The following PDXDC1 variants were observed in gnomAD, a reference collection of about 807,000 sequenced individuals.
PDXDC1 encodes the protein pyridoxal-dependent decarboxylase domain-containing protein 1.
A neutral mutation model predicts 100.1 loss-of-function variants in PDXDC1; 42 were observed. That is an observed-to-expected ratio of 0.42 (90% CI 0.33 to 0.54). The LOEUF is 0.54. Among genes scored for constraint, PDXDC1 ranks in the 20% least tolerant of loss-of-function variants. The probability of loss-of-function intolerance (pLI) is 0.10; values close to 1 mark genes in which losing one functional copy is unlikely to be tolerated. For missense variants in PDXDC1, 636 were observed against 979.2 expected, an observed-to-expected ratio of 0.65 and a Z score of 4.68; for synonymous variants, 260 against 371.7, an observed-to-expected ratio of 0.70 and a Z score of 3.46.
chr16:15,016,429 C>T lies in PDXDC1; in HGVS notation c.812+216C>T, dbSNP rs996281927. On this transcript the variant is annotated intron_variant, in intron 9 of 22. Transcript: ENST00000396410. ...ATGACTGCCTCAGGCACGACATCAA[C>T]CAGGATCCAGTGTGTTACTCCCACC... is the stretch of plus-strand genomic sequence containing the variant. 15 of 1,257,068 alleles carry T rather than the reference C, an allele frequency of 1.2e-5. No individual in the cohort carries two copies. In the Admixed American group the frequency reaches 1.9e-4, roughly 16 times the overall value. The allele number at this position is 1,257,068 out of a possible 1,614,324, so 77.9% of individuals were successfully genotyped here.
chr16:15,117,348 T>A (rs1246215676), intron 16 of PDXDC1, among the ~76,000 whole-genome samples: 14 of 128,984 alleles, frequency 1.1e-4, no homozygotes, highest in Admixed American at 4.3e-4. Context: ...TTTCCAAAGT[T>A]AGTAAACTTA....
At chr16:15,114,924 A>G (rs2047189302) in intron 16 of PDXDC1, among the ~76,000 whole-genome samples, 1 of 106,288 alleles carries the variant, frequency 9.4e-6, no homozygotes, top group Non-Finnish European at 2.2e-5. Flanking sequence ...AAAAAAAAAA[A>G]AAATTTTTTT....
intron 16 of PDXDC1, among the ~76,000 whole-genome samples, chr16:15,076,206 G>A (rs920080199): frequency 6.6e-6 from 1 of 152,088 alleles, no homozygotes; most frequent in Non-Finnish European, 1.5e-5. Flanking sequence ...CCACCCAAAA[G>A]AAGTAATGCT....
At chr16:14,996,137 C>T (rs887441781) in intron 1 of PDXDC1, among the ~76,000 whole-genome samples, 38 of 152,286 alleles carry the variant, frequency 2.5e-4, no homozygotes, top group African/African-American at 8.9e-4. Context: ...TCCCAGGGAC[C>T]TTAAAGCTCA....
In PDXDC1 at chr16:15,036,230, A is replaced by C; in HGVS notation, c.2322A>C (p.Pro774=). The stretch of plus-strand genomic sequence containing the variant: ...CCTTCCAGAAAGGGGTCCCACACCC[A>C]GAAGATGACCACTCACAGGTAGAAG... The part of the protein sequence containing the change: ...TEAFQKGVPH[P]EDDHSQVEGP... The change falls in exon 23 of 23, where the codon CCA becomes CCC. Residue 774 remains proline, a synonymous_variant. Transcript: ENST00000396410. 6.2e-7 allele frequency: 1 copy of C among 1,614,120 alleles called. No homozygotes were observed. The highest frequency in any genetic ancestry group is 1.1e-5 in the South Asian group (1 of 91,080).
intron 16 of PDXDC1, chr16:15,130,391 C>T: frequency 5.1e-6 from 8 of 1,577,586 alleles, no homozygotes; most frequent in Middle Eastern, 2.3e-4. Context: ...CGGACACCTC[C>T]AGCGCCGACA....
At chr16:15,007,551 G>A (rs552648426) in intron 6 of PDXDC1, among the ~76,000 whole-genome samples, 656 of 152,150 alleles carry the variant, frequency 4.3e-3, no homozygotes, top group African/African-American at 0.015. Flanking sequence ...ATTGTTAACC[G>A]TCTTTGCCAA....
In PDXDC1 at chr16:15,133,088, G is replaced by A. The variant is rs929033957; in HGVS notation, c.1400-5791G>A. ...TGCATTGTGGAAAGCAGACGCCGGA[G>A]AGGGCCCGGTGGGTGTGGCTGCTGG... On this transcript the variant is annotated intron_variant, in intron 16 of 16. Transcript: ENST00000535621. 4.2e-5 allele frequency: 26 copies of A among 622,014 alleles called. No homozygotes were observed. In the African/African-American group the frequency reaches 4.6e-4, roughly 11 times the overall value. The allele number at this position is 622,014 out of a possible 1,614,324, so 38.5% of individuals were successfully genotyped here.
At chr16:15,008,609 G>A (rs1464407011) in intron 6 of PDXDC1, among the ~76,000 whole-genome samples, 170 bp from the exon 7 acceptor site, 5 of 144,038 alleles carry the variant, frequency 3.5e-5, no homozygotes, top group Admixed American at 6.9e-5. Flanking sequence ...TTTTTTTTTC[G>A]GCTTGGCTTT....
intron 16 of PDXDC1, among the ~76,000 whole-genome samples, chr16:15,096,154 G>T (rs2046350308): frequency 6.6e-6 from 1 of 151,902 alleles, no homozygotes; most frequent in South Asian, 2.1e-4. Flanking sequence ...TGTCACCCAG[G>T]CTGGAGTACA....
intron 16 of PDXDC1, among the ~76,000 whole-genome samples, chr16:15,079,817 G>T (rs530718059): frequency 6.6e-6 from 1 of 152,048 alleles, no homozygotes; most frequent in Non-Finnish European, 1.5e-5. Context: ...GGCTGGTCTC[G>T]AACTCCTGAC....
At position 15,004,178 on chromosome 16, in the gene PDXDC1, G is replaced by A; in HGVS notation, c.243-9G>A. On this transcript the variant is annotated splice_polypyrimidine_tract_variant and intron_variant, in intron 4 of 22. Coordinates refer to ENST00000396410, the MANE Select transcript of PDXDC1 (RefSeq NM_015027.4). Reference sequence around the variant, plus strand: ...GGTTTGACTCTAATACTTTAATTTTGCTTAACAGAATCCAAAATATTGGAG... The same window carrying A: ...GGTTTGACTCTAATACTTTAATTTTACTTAACAGAATCCAAAATATTGGAG... The A allele has an allele frequency of 6.2e-7, 1 of 1,611,722 alleles. No individual in the cohort carries two copies. Among genetic ancestry groups the A allele is most frequent in the African/African-American group, 1.3e-5 (1 of 74,976 alleles).
intron 16 of PDXDC1, among the ~76,000 whole-genome samples, chr16:15,072,767 CAAAAAAGAAAGGAAAAGAAAACA>C (rs1567197950): frequency 1.3e-5 from 2 of 151,516 alleles, no homozygotes; most frequent in Non-Finnish European, 2.9e-5. Flanking sequence ...GACTGTGTCT[CAAAAAAGAAAGGAAAAGAAAACA>C]AAAAAAGAAA....
chr16:15,008,118 A>G (rs1165464871), intron 6 of PDXDC1, among the ~76,000 whole-genome samples: 1 of 152,276 alleles, frequency 6.6e-6, no homozygotes, highest in Non-Finnish European at 1.5e-5. Context: ...ATAATTTTTA[A>G]TCCTTTAAGG....
At position 15,037,372 on chromosome 16, in the gene PDXDC1, G is replaced by A. The variant is rs1339246466; in HGVS notation, c.*1097G>A. ...ACCTGAAAATGGGAAAATTCACACT[G>A]GGTTTCTGGACTGTAGTATTGGAAG... is the stretch of plus-strand genomic sequence containing the variant. On this transcript the variant is annotated 3_prime_UTR_variant, in exon 23 of 23. Coordinates refer to ENST00000396410, the MANE Select transcript of PDXDC1 (RefSeq NM_015027.4). 2.0e-5 allele frequency: 3 copies of A among 152,152 alleles called. No homozygotes were observed. Among genetic ancestry groups the A allele is most frequent in the East Asian group, 3.8e-4 (2 of 5,204 alleles). 9.4% of individuals were successfully genotyped at this position (152,152 alleles called of 1,614,324 possible).
downstream of PDXDC1, among the ~76,000 whole-genome samples, chr16:15,143,267 CG>C (rs1435061290): frequency 3.9e-5 from 6 of 152,072 alleles, no homozygotes; most frequent in African/African-American, 1.4e-4. Context: ...GGCCACAGTA[CG>C]GGTCTTCACC....
chr16:15,065,427 T>A, intron 16 of PDXDC1: 1 of 1,527,874 alleles, frequency 6.5e-7, no homozygotes, highest in Admixed American at 1.8e-5. Context: ...AGTGACTCGG[T>A]GCAGATGTGA....
chr16:15,111,568 G>C (rs1279484030), intron 16 of PDXDC1, among the ~76,000 whole-genome samples: 1 of 147,662 alleles, frequency 6.8e-6, no homozygotes, highest in African/African-American at 2.4e-5. Flanking sequence ...GACCATCCTG[G>C]GCAACATGGT....
chr16:15,126,651 T>C (rs1367736152), intron 16 of PDXDC1: 2 of 139,352 alleles, frequency 1.4e-5, no homozygotes, highest in African/African-American at 5.2e-5. Context: ...CTTTTCTTTG[T>C]GGGATTTTTT....
Sources: allele counts gnomAD v4.1 joint callset (sites outside exome capture counted in the v4.1 genomes callset), GRCh38; gene constraint gnomAD v4.1.1; transcripts MANE v1.5; gene names NCBI Gene and HGNC (gene_info 2026-07-23, HGNC 2026-07-21).